SLC15A5: variants seen among roughly 807,000 people sequenced by gnomAD.
SLC15A5 encodes the protein Peptide/histidine transporter ENSP00000340402.
A neutral mutation model predicts 56.1 loss-of-function variants in SLC15A5; 58 were observed. The ratio of observed to expected loss-of-function variants is 1.03; its 90% CI spans 0.84 to 1.29. The LOEUF is 1.29. Ranked by LOEUF, SLC15A5 falls within the 50% of genes most tolerant of loss-of-function variation. The pLI, the probability that SLC15A5 is intolerant of heterozygous loss-of-function variation, is 0.00. For synonymous variants in SLC15A5, 264 were observed against 250.5 expected (o/e 1.05, Z -0.51); for missense variants, 681 against 672.1 (o/e 1.01, Z -0.15).
intron 3 of SLC15A5, among the ~76,000 whole-genome samples, chr12:16,255,385 A>G (rs1057250312): frequency 2.6e-5 from 4 of 152,122 alleles, no homozygotes; most frequent in Admixed American, 1.3e-4. Flanking sequence ...AATTTAAACC[A>G]CAGCAAGATA....
chr12:16,204,454 G>T (rs889066214), intron 7 of SLC15A5, among the ~76,000 whole-genome samples: 10 of 149,974 alleles, frequency 6.7e-5, no homozygotes, highest in African/African-American at 2.4e-4. Context: ...AAAAATTGGA[G>T]AAAAAATAAT....
Position 16,189,481 on chromosome 12 carries a change from G to T in SLC15A5, c.*187C>A. The T allele has an allele frequency of 2.4e-6, 1 of 420,968 alleles. No individual in the cohort carries two copies. Among genetic ancestry groups the T allele is most frequent in the Non-Finnish European group, 4.0e-6 (1 of 251,034 alleles). 26.1% of individuals were successfully genotyped at this position (420,968 alleles called of 1,614,324 possible). A position where few individuals can be genotyped will look rare whatever the true frequency, so the allele number is the denominator to read the frequency against. On this transcript the variant is annotated 3_prime_UTR_variant, in exon 9 of 9. Coordinates refer to ENST00000344941, the MANE Select transcript of SLC15A5 (RefSeq NM_001170798.1). ...TTTATTAATTCTAATGCTATAACAT[G>T]TTAATGCAAAAGCATGACAGTTTAC...
chr12:16,200,718 A>G (rs894607626), intron 7 of SLC15A5, among the ~76,000 whole-genome samples: 5 of 152,130 alleles, frequency 3.3e-5, no homozygotes, highest in Non-Finnish European at 7.4e-5. Context: ...AGGAAATTGC[A>G]TTTATACATT....
At chr12:16,224,652 A>AT in intron 5 of SLC15A5, 50 bp from the exon 6 acceptor site, 1 of 1,465,196 alleles carries the variant, frequency 6.8e-7, no homozygotes, top group Non-Finnish European at 9.1e-7. Context: ...AGAGCTAGAG[A>AT]TTCATGTAAT....
chr12:16,252,941 A>T (rs1460902292), intron 3 of SLC15A5, among the ~76,000 whole-genome samples: 2 of 152,136 alleles, frequency 1.3e-5, no homozygotes, highest in Non-Finnish European at 2.9e-5. Context: ...ATGAAGATAG[A>T]TATAAGACCA....
intron 4 of SLC15A5, among the ~76,000 whole-genome samples, chr12:16,242,533 C>G (rs920110599): frequency 6.6e-6 from 1 of 152,092 alleles, no homozygotes; most frequent in African/African-American, 2.4e-5. Flanking sequence ...GCCATGTAGC[C>G]TTGCTGTGGG....
At chr12:16,224,649 G>C (rs545684187) in intron 5 of SLC15A5, 47 bp from the exon 6 acceptor site, 1 of 1,481,066 alleles carries the variant, frequency 6.8e-7, no homozygotes, top group African/African-American at 1.4e-5. Context: ...CGAAGAGCTA[G>C]AGATTCATGT....
intron 3 of SLC15A5, among the ~76,000 whole-genome samples, chr12:16,248,353 T>A (rs1002187612): frequency 1.3e-5 from 2 of 152,018 alleles, no homozygotes; most frequent in Non-Finnish European, 2.9e-5. Context: ...GAAGAGAAGA[T>A]TCAGTGTCCC....
chr12:16,251,518 A>G (rs1864518407), intron 3 of SLC15A5, among the ~76,000 whole-genome samples: 1 of 151,892 alleles, frequency 6.6e-6, no homozygotes, highest in Non-Finnish European at 1.5e-5. Context: ...ATGTCACAGA[A>G]ATAAAAAGGA....
chr12:16,235,586 A>G lies in SLC15A5; in HGVS notation c.1162+4095T>C, dbSNP rs1159653627. ...GAATTGAGAATACTAATGTGCTTAT[A>G]TCAAACAAATGTGCAACCGAATGAA... On this transcript the variant is annotated intron_variant, in intron 5 of 8. Coordinates refer to ENST00000344941, the MANE Select transcript of SLC15A5 (RefSeq NM_001170798.1). The surrounding 1 kb of genome is among the most constrained non-coding windows in gnomAD (Gnocchi z 4.1). 1.3e-5 allele frequency among the ~76,000 whole-genome samples: 2 copies of G among 152,116 alleles called. No homozygotes were observed. The highest frequency in any genetic ancestry group is 1.9e-4 in the East Asian group (1 of 5,202).
chr12:16,272,064 T>C (rs1864765407), intron 2 of SLC15A5, among the ~76,000 whole-genome samples: 1 of 152,168 alleles, frequency 6.6e-6, no homozygotes, highest in African/African-American at 2.4e-5. Context: ...TCTATTACAA[T>C]ACAGACATAC....
intron 3 of SLC15A5, among the ~76,000 whole-genome samples, chr12:16,247,762 G>A (rs192341152): frequency 1.3e-5 from 2 of 152,232 alleles, no homozygotes; most frequent in Admixed American, 6.5e-5. Context: ...GAGGTTGTCA[G>A]GGGGGTCAGA....
intron 3 of SLC15A5, among the ~76,000 whole-genome samples, chr12:16,254,730 A>T (rs1235117681): frequency 6.6e-6 from 1 of 152,128 alleles, no homozygotes; most frequent in African/African-American, 2.4e-5. Flanking sequence ...ACATTATGTT[A>T]AGTGAAATAA....
chr12:16,242,922 G>T (rs1363620216), intron 4 of SLC15A5, among the ~76,000 whole-genome samples: 1 of 152,124 alleles, frequency 6.6e-6, no homozygotes, highest in Non-Finnish European at 1.5e-5. Context: ...TAATATTTCT[G>T]CTGTATTCTG....
chr12:16,221,474 T>A (rs1022491591), intron 6 of SLC15A5, among the ~76,000 whole-genome samples: 1 of 152,108 alleles, frequency 6.6e-6, no homozygotes. Context: ...TACAAAGGAC[T>A]TGGGGTAGAC....
Position 16,272,600 on chromosome 12 carries a change from T to G in SLC15A5, c.545A>C (p.Gln182Pro). The G allele has an allele frequency of 6.5e-7, 1 of 1,536,934 alleles. No homozygotes were observed. Among genetic ancestry groups the G allele is most frequent in the South Asian group, 1.2e-5 (1 of 84,062 alleles). Residue 182 changes from glutamine (Q) to proline (P), a missense_variant, in exon 2 of 9, where the codon CAG (glutamine) becomes CCG (proline). Transcript: ENST00000344941. ...CATCGTTTTTTGTGATCCATACTCC[T>G]GAAGGCCAAAAGCACCCAGTGGACA... The part of the protein sequence containing the change: ...IVCPLGAFGL[Q>P]EYGSQKTMSF...
At chr12:16,264,636 T>C (rs926095265) in intron 2 of SLC15A5, among the ~76,000 whole-genome samples, 10 of 152,294 alleles carry the variant, frequency 6.6e-5, no homozygotes, top group African/African-American at 2.4e-4. Context: ...GTAGCTCCCA[T>C]ATTTTCCACA....
At chr12:16,193,823 GA>G (rs1565654513) in intron 8 of SLC15A5, among the ~76,000 whole-genome samples, 21 of 113,722 alleles carry the variant, frequency 1.8e-4, no homozygotes, top group African/African-American at 6.6e-4. Context: ...GAGAGAGAGA[GA>G]GAGAGAGAGA....
chr12:16,198,090 G>A (rs750263469), intron 7 of SLC15A5, among the ~76,000 whole-genome samples: 19 of 152,090 alleles, frequency 1.2e-4, no homozygotes, highest in Non-Finnish European at 2.8e-4. Context: ...TGCCCACAGT[G>A]CACCCTAGTT....
Sources: allele counts gnomAD v4.1 joint callset (sites outside exome capture counted in the v4.1 genomes callset), GRCh38; gene constraint gnomAD v4.1.1; non-coding constraint Gnocchi (gnomAD v3.1); transcripts MANE v1.5; gene names NCBI Gene and HGNC (gene_info 2026-07-23, HGNC 2026-07-21).